Variants in ADCY2 observed in about 807,000 individuals in gnomAD.
ADCY2 encodes the protein adenylate cyclase 2.
Under a neutral mutation model 125.2 loss-of-function variants are expected in ADCY2, and 31 were observed. The ratio of observed to expected loss-of-function variants is 0.25; its 90% CI spans 0.19 to 0.33. The LOEUF (loss-of-function observed/expected upper bound fraction) is 0.33, where lower values mean the gene tolerates loss of function less well. Among genes scored for constraint, ADCY2 ranks in the 10% least tolerant of loss-of-function variants. ADCY2 has a pLI of 1.00. For missense variants in ADCY2, 904 were observed against 1,418.2 expected (o/e 0.64, Z 5.82); for synonymous variants, 512 against 548.4 (o/e 0.93, Z 0.93).
At chr5:7,682,637 C>A (rs1371140158) in intron 4 of ADCY2, among the ~76,000 whole-genome samples, 6 of 152,172 alleles carry the variant, frequency 3.9e-5, no homozygotes, top group Non-Finnish European at 7.3e-5. Context: ...GTTTCAGCAT[C>A]ATCAGGGAGG....
chr5:7,483,697 T>A (rs1742820133), intron 2 of ADCY2, among the ~76,000 whole-genome samples: 1 of 152,158 alleles, frequency 6.6e-6, no homozygotes, highest in Non-Finnish European at 1.5e-5. Context: ...AGGGGCTGCC[T>A]TGCTGGCCCT....
intron 3 of ADCY2, among the ~76,000 whole-genome samples, chr5:7,563,624 A>C (rs112159716): frequency 2.6e-5 from 4 of 152,208 alleles, no homozygotes; most frequent in Non-Finnish European, 5.9e-5. Context: ...AAAAAGTAGC[A>C]TATCCCTGTG....
chr5:7,551,645 A>T (rs552266657), intron 3 of ADCY2, among the ~76,000 whole-genome samples: 1 of 152,360 alleles, frequency 6.6e-6, no homozygotes, highest in East Asian at 1.9e-4. Flanking sequence ...GGGTTGAATT[A>T]TCAACCTCCA....
chr5:7,573,588 A>ATTTTTTTTTTTTTTTTTTTTTTTTT (rs1561102712), intron 3 of ADCY2, among the ~76,000 whole-genome samples: 1 of 94,620 alleles, frequency 1.1e-5, no homozygotes, highest in Non-Finnish European at 2.2e-5. Flanking sequence ...TACAGGGTTG[A>ATTTTTTTTTTTTTTTTTTTTTTTTT]TTTTCTTTTT....
At chr5:7,621,396 T>C (rs1737948883) in intron 3 of ADCY2, among the ~76,000 whole-genome samples, 1 of 152,208 alleles carries the variant, frequency 6.6e-6, no homozygotes, top group South Asian at 2.1e-4. Context: ...AAAAATAACA[T>C]GTGTCTCTTT....
At chr5:7,433,490 G>A (rs545425483) in intron 2 of ADCY2, among the ~76,000 whole-genome samples, 17 of 152,174 alleles carry the variant, frequency 1.1e-4, no homozygotes, top group African/African-American at 3.1e-4. Flanking sequence ...CCTGAAATGC[G>A]AAAATTACTT....
intron 2 of ADCY2, among the ~76,000 whole-genome samples, chr5:7,485,782 C>G (rs1394541760): frequency 6.6e-6 from 1 of 152,134 alleles, no homozygotes; most frequent in African/African-American, 2.4e-5. Context: ...TATTAACATT[C>G]TAGTTGTGAT....
chr5:7,637,166 T>C (rs1418732549), intron 4 of ADCY2, among the ~76,000 whole-genome samples: 3 of 152,108 alleles, frequency 2.0e-5, no homozygotes, highest in African/African-American at 7.2e-5. Flanking sequence ...TTGGTTGATT[T>C]TTATAGAAAG....
At chr5:7,488,910 C>T (rs771177504) in intron 2 of ADCY2, among the ~76,000 whole-genome samples, 27 of 152,156 alleles carry the variant, frequency 1.8e-4, no homozygotes, top group African/African-American at 5.8e-4. Context: ...TGTGCAACCC[C>T]GAGGGACCCA....
At position 7,489,646 on chromosome 5, in the gene ADCY2, G is replaced by A. The variant is rs113967422; in HGVS notation, c.409-31092G>A. Among the ~76,000 whole-genome samples the A allele has an allele frequency of 1.2e-3, 177 of 152,268 alleles. 1 individual carries two copies. Among genetic ancestry groups the A allele is most frequent in the African/African-American group, 3.7e-3 (152 of 41,554 alleles). On this transcript the variant is annotated intron_variant, in intron 2 of 24. Coordinates refer to ENST00000338316, the MANE Select transcript of ADCY2 (RefSeq NM_020546.3). ...ATTGTGAGGCCTCCCCAGCCATGTC[G>A]AACTGTGAGTAAATTAAACCTCTTT...
intron 3 of ADCY2, among the ~76,000 whole-genome samples, chr5:7,589,506 G>GAA (rs68115969): frequency 0.061 from 5,701 of 93,876 alleles, 268 homozygotes; most frequent in East Asian, 0.13. Context: ...AAGAAAGAAA[G>GAA]AAAGAAAAGA....
At chr5:7,721,778 T>C (rs982106532) in intron 12 of ADCY2, among the ~76,000 whole-genome samples, 3 of 152,222 alleles carry the variant, frequency 2.0e-5, no homozygotes, top group Non-Finnish European at 4.4e-5. Context: ...ACCAGTACCA[T>C]GCTGTTTTGG....
intron 4 of ADCY2, among the ~76,000 whole-genome samples, chr5:7,678,795 T>C (rs1214044317): frequency 6.6e-6 from 1 of 152,226 alleles, no homozygotes; most frequent in Non-Finnish European, 1.5e-5. Context: ...AATTTACCCA[T>C]TGTCCACTTA....
intron 3 of ADCY2, among the ~76,000 whole-genome samples, chr5:7,564,293 A>G (rs1735818097): frequency 6.6e-6 from 1 of 152,196 alleles, no homozygotes; most frequent in Non-Finnish European, 1.5e-5. Flanking sequence ...AGGAGATGGC[A>G]AATTTAATAT....
intron 4 of ADCY2, among the ~76,000 whole-genome samples, chr5:7,653,675 T>C (rs1197267958): frequency 6.6e-6 from 1 of 152,124 alleles, no homozygotes; most frequent in Non-Finnish European, 1.5e-5. Context: ...TTAGGTAGTT[T>C]ATTACAAATA....
At chr5:7,400,681 T>TG (rs1739231108) in intron 1 of ADCY2, among the ~76,000 whole-genome samples, 1 of 152,178 alleles carries the variant, frequency 6.6e-6, no homozygotes, top group Admixed American at 6.5e-5. Flanking sequence ...GTTTCCCTTG[T>TG]GGAAGGGAAT....
At chr5:7,699,081 A>ATTCTTTTTT (rs1740990827) in intron 7 of ADCY2, among the ~76,000 whole-genome samples, 1 of 37,964 alleles carries the variant, frequency 2.6e-5, no homozygotes, top group African/African-American at 9.0e-5. Flanking sequence ...AACAGTAAGC[A>ATTCTTTTTT]TTTTTTTTTT....
intron 2 of ADCY2, among the ~76,000 whole-genome samples, chr5:7,478,478 A>G (rs1184181614): frequency 1.3e-5 from 2 of 152,216 alleles, no homozygotes; most frequent in African/African-American, 4.8e-5. Flanking sequence ...TATACTTAAC[A>G]TACCAGAAAC....
chr5:7,821,200 A>T (rs901497105), intron 24 of ADCY2, among the ~76,000 whole-genome samples: 14 of 152,326 alleles, frequency 9.2e-5, no homozygotes, highest in Admixed American at 8.5e-4. Flanking sequence ...GGTGTAACAA[A>T]TGAAAAGCAG....
Sources: gnomAD v4.1 joint callset for allele counts (sites outside exome capture counted in the v4.1 genomes callset) on GRCh38, gnomAD v4.1.1 for gene constraint, MANE v1.5 for transcripts, NCBI Gene and HGNC (gene_info 2026-07-23, HGNC 2026-07-21) for gene names.